MVK: variants seen among roughly 807,000 people sequenced by gnomAD.
MVK encodes the protein mevalonate kinase.
MVK carries 34 observed loss-of-function variants against 43.2 expected under a neutral mutation model. That is an observed-to-expected ratio of 0.79 (90% CI 0.60 to 1.05). MVK has a LOEUF of 1.05. Among genes scored for constraint, MVK ranks in the 50% least tolerant of loss-of-function variants. The pLI, the probability that MVK is intolerant of heterozygous loss-of-function variation, is 0.00. For synonymous variants in MVK, 190 were observed against 219.8 expected, an observed-to-expected ratio of 0.86 and a Z score of 1.20; for missense variants, 395 against 504.0, an observed-to-expected ratio of 0.78 and a Z score of 2.07.
At chr12:109,579,067 C>T in intron 3 of MVK, 1 of 322,034 alleles carries the variant, frequency 3.1e-6, no homozygotes. Context: ...GAAACCTAGG[C>T]CCTTGTGCGA....
At chr12:109,573,426 GCAGGCCAAGACGGCTCCC>G (rs770077320), upstream of MVK, 157 of 1,607,468 alleles carry the variant, frequency 9.8e-5, no homozygotes, top group South Asian at 2.1e-4. Context: ...AAGCACCCGC[GCAGGCCAAGACGGCTCCC>G]CAGGCCAAGA....
At chr12:109,581,917 G>A (rs1368648503) in intron 5 of MVK, among the ~76,000 whole-genome samples, 1 of 152,242 alleles carries the variant, frequency 6.6e-6, no homozygotes, top group Non-Finnish European at 1.5e-5. Flanking sequence ...GGCTAGGACA[G>A]TGTTCTCCTC....
Position 109,595,003 on chromosome 12 carries a change from G to C in MVK, c.886-25G>C. 2 of 1,613,962 alleles carry C rather than the reference G, an allele frequency of 1.2e-6. No homozygotes were observed. Among genetic ancestry groups the C allele is most frequent in the Non-Finnish European group, 1.7e-6 (2 of 1,180,030 alleles). On this transcript the variant is annotated intron_variant, in intron 9 of 10. Coordinates refer to ENST00000228510, the MANE Select transcript of MVK (RefSeq NM_000431.4). The surrounding 1 kb of genome is among the most constrained non-coding windows in gnomAD (Gnocchi z 5.9). ...CCTTGGCCTCAGGCAGGCCAAGTGG[G>C]AACAGATGGAACCTTCTCCCCTAGG...
chr12:109,578,941 C>G (rs978625711), intron 3 of MVK, among the ~76,000 whole-genome samples: 3 of 152,196 alleles, frequency 2.0e-5, no homozygotes, highest in Admixed American at 6.5e-5. Flanking sequence ...CCCTTCTGCC[C>G]AGGCACCGCC....
chr12:109,590,442 C>T (rs546508324), intron 7 of MVK: 17 of 400,164 alleles, frequency 4.2e-5, no homozygotes, highest in South Asian at 3.6e-4. Flanking sequence ...CACGTCATGC[C>T]AGAAAAACCT....
chr12:109,579,752 A>C, intron 3 of MVK, 50 bp from the exon 4 acceptor site: 1 of 1,612,382 alleles, frequency 6.2e-7, no homozygotes, highest in South Asian at 1.1e-5. Context: ...TTTATAAAGC[A>C]CCAAAGTCCC....
chr12:109,594,077 C>T (rs889986173), intron 9 of MVK, among the ~76,000 whole-genome samples: 8 of 151,826 alleles, frequency 5.3e-5, no homozygotes, highest in Admixed American at 2.6e-4. Flanking sequence ...TGCAGAAGAC[C>T]TTGCTCAAGG....
At chr12:109,590,675 C>T (rs78000496) in intron 7 of MVK, 96 bp from the exon 8 acceptor site, 12 of 1,078,714 alleles carry the variant, frequency 1.1e-5, no homozygotes, top group Middle Eastern at 2.8e-4. Flanking sequence ...CTTCTTCCTC[C>T]GTATCAGGGT....
At chr12:109,580,316 T>C (rs1000320589) in intron 4 of MVK, among the ~76,000 whole-genome samples, 1 of 152,210 alleles carries the variant, frequency 6.6e-6, no homozygotes, top group Admixed American at 6.5e-5. Context: ...TTGCCCAGGC[T>C]GGTCTCAAAC....
At position 109,576,167 on chromosome 12, in the gene MVK, C is replaced by G. The variant is rs199614221; in HGVS notation, c.226+22C>G. On this transcript the variant is annotated intron_variant, in intron 3 of 10. Coordinates refer to ENST00000228510, the MANE Select transcript of MVK (RefSeq NM_000431.4). ...CTGGGTGAGTGCAAGGAGGAGAAACCAGGTGTGCTAAGAGCCTACAGAGAG... is the reference window on the plus strand; with the variant it reads ...CTGGGTGAGTGCAAGGAGGAGAAACGAGGTGTGCTAAGAGCCTACAGAGAG... 139 of 1,613,780 alleles carry G rather than the reference C, an allele frequency of 8.6e-5. 2 individuals carry two copies. The East Asian group carries it at 3.1e-3, about 35-fold the overall frequency.
At position 109,597,955 on chromosome 12, in the gene MVK, C is replaced by G. The variant is rs1885987805; in HGVS notation, c.*1378C>G. The G allele has an allele frequency of 6.6e-6, 1 of 152,246 alleles. No homozygotes were observed. Among genetic ancestry groups the G allele is most frequent in the Non-Finnish European group, 1.5e-5 (1 of 68,074 alleles). The allele number at this position is 152,246 out of a possible 1,614,324, so 9.4% of individuals were successfully genotyped here. ...GCAGGAGCCGAGCTCCACCCCCACGCCAGCCTTGGGCCCGGCCTGGGATCA... is the reference window on the plus strand; with the variant it reads ...GCAGGAGCCGAGCTCCACCCCCACGGCAGCCTTGGGCCCGGCCTGGGATCA... On this transcript the variant is annotated 3_prime_UTR_variant, in exon 11 of 11. Coordinates refer to ENST00000228510, the MANE Select transcript of MVK (RefSeq NM_000431.4).
chr12:109,583,452 T>G (rs1180791205), intron 5 of MVK, among the ~76,000 whole-genome samples: 1 of 152,238 alleles, frequency 6.6e-6, no homozygotes, highest in Non-Finnish European at 1.5e-5. Flanking sequence ...GGCTGCATAG[T>G]GTTCCATGGT....
chr12:109,590,730 T>A, intron 7 of MVK, 41 bp from the exon 8 acceptor site: 1 of 1,586,768 alleles, frequency 6.3e-7, no homozygotes, highest in Non-Finnish European at 8.7e-7. Context: ...AGCTCCTCCA[T>A]CTTGAGTTCA....
Position 109,581,385 on chromosome 12 carries a change from T to C in MVK, c.372-10T>C. 2.5e-6 allele frequency: 4 copies of C among 1,613,432 alleles called. No homozygotes were observed. Among genetic ancestry groups the C allele is most frequent in the Non-Finnish European group, 8.5e-7 (1 of 1,179,962 alleles). On this transcript the variant is annotated splice_polypyrimidine_tract_variant and intron_variant, in intron 4 of 10. Coordinates refer to ENST00000228510, the MANE Select transcript of MVK (RefSeq NM_000431.4). ...GGGAGAGTCACGTTTCACACCCTGG[T>C]GTGTTTCAGGGCCCTGCCGAGCCTG...
At chr12:109,575,532 G>A (rs1191050270) in intron 2 of MVK, among the ~76,000 whole-genome samples, 1 of 151,944 alleles carries the variant, frequency 6.6e-6, no homozygotes, top group African/African-American at 2.4e-5. Context: ...GGGACCACAG[G>A]TGTGTACCAC....
At position 109,596,418 on chromosome 12, in the gene MVK, C is replaced by G; in HGVS notation, c.1040-8C>G. On this transcript the variant is annotated splice_region_variant and splice_polypyrimidine_tract_variant and intron_variant, in intron 10 of 10. Coordinates refer to ENST00000228510, the MANE Select transcript of MVK (RefSeq NM_000431.4). ...TTGTCAAGGGTGACCTGCCTTCCCTCCCCGCAGGGCTGGAGCAGCCAGAAG... is the reference window on the plus strand; with the variant it reads ...TTGTCAAGGGTGACCTGCCTTCCCTGCCCGCAGGGCTGGAGCAGCCAGAAG... 6.2e-7 allele frequency: 1 copy of G among 1,612,792 alleles called. No homozygotes were observed.
chr12:109,591,237 C>T lies in MVK; in HGVS notation c.769-4C>T. The T allele has an allele frequency of 6.2e-7, 1 of 1,613,930 alleles. No individual in the cohort carries two copies. The highest frequency in any genetic ancestry group is 8.5e-7 in the Non-Finnish European group (1 of 1,179,778). On this transcript the variant is annotated splice_region_variant and splice_polypyrimidine_tract_variant and intron_variant, in intron 8 of 10. Transcript: ENST00000228510. ...CACCAGCCGTTCCTTCTTTTTTTCTCCAGTTCCCAGAGATCGTGGCCCCCC... is the reference window on the plus strand; with the variant it reads ...CACCAGCCGTTCCTTCTTTTTTTCTTCAGTTCCCAGAGATCGTGGCCCCCC...
In MVK at chr12:109,581,419, A is replaced by C. The variant is rs750794832; in HGVS notation, c.396A>C (p.Val132=). 9 of 1,614,018 alleles carry C rather than the reference A, an allele frequency of 5.6e-6. 1 individual carries two copies. The South Asian group carries it at 9.9e-5, about 18-fold the overall frequency. ...KQRALPSLDI[V]VWSELPPGAG... ...GGGCCCTGCCGAGCCTGGATATCGT[A>C]GTGTGGTCGGAGCTGCCCCCCGGGG... The change falls in exon 5 of 11, where the codon GTA becomes GTC. Residue 132 remains valine, a synonymous_variant. Transcript: ENST00000228510.
Position 109,596,762 on chromosome 12 carries a change from G to C in MVK, c.*185G>C, listed in dbSNP as rs11544302. 2 of 856,660 alleles carry C rather than the reference G, an allele frequency of 2.3e-6. No homozygotes were observed. Among genetic ancestry groups the C allele is most frequent in the Non-Finnish European group, 3.6e-6 (2 of 549,414 alleles). 53.1% of individuals were successfully genotyped at this position (856,660 alleles called of 1,614,324 possible). ...GGTGGGACCTAGGGAGGCATGGTCT[G>C]CCCTCTGCATCCTCTGGAGCCAGCC... On this transcript the variant is annotated 3_prime_UTR_variant, in exon 11 of 11. Transcript: ENST00000228510.
Sources: allele counts gnomAD v4.1 joint callset (sites outside exome capture counted in the v4.1 genomes callset), GRCh38; gene constraint gnomAD v4.1.1; non-coding constraint Gnocchi (gnomAD v3.1); transcripts MANE v1.5; gene names NCBI Gene and HGNC (gene_info 2026-07-23, HGNC 2026-07-21).